Variants in DGKB observed in about 807,000 individuals in gnomAD.
The protein encoded by DGKB is diacylglycerol kinase beta, also known as 90 kDa diacylglycerol kinase.
A neutral mutation model predicts 114.3 loss-of-function variants in DGKB; 67 were observed. The ratio of observed to expected loss-of-function variants is 0.59; its 90% CI spans 0.48 to 0.72. The LOEUF is 0.72. DGKB is among the 30% of genes least tolerant of loss of function. The probability of loss-of-function intolerance (pLI) is 0.00; values close to 1 mark genes in which losing one functional copy is unlikely to be tolerated. For synonymous variants in DGKB, 398 were observed against 323.1 expected (o/e 1.23, Z -2.49); for missense variants, 907 against 975.2 (o/e 0.93, Z 0.93).
intron 6 of DGKB, among the ~76,000 whole-genome samples, chr7:14,707,343 A>T (rs1826470681): frequency 6.6e-6 from 1 of 150,400 alleles, no homozygotes; most frequent in African/African-American, 2.5e-5. Flanking sequence ...CCAACCAAAA[A>T]GAGTCCAGGG....
intron 20 of DGKB, among the ~76,000 whole-genome samples, chr7:14,556,272 A>C (rs897292982): frequency 3.9e-5 from 6 of 152,120 alleles, no homozygotes; most frequent in African/African-American, 1.4e-4. Context: ...AATTTTATTC[A>C]TATTAACATA....
At chr7:14,230,256 T>C (rs972688489) in intron 23 of DGKB, among the ~76,000 whole-genome samples, 4 of 152,068 alleles carry the variant, frequency 2.6e-5, no homozygotes, top group Non-Finnish European at 5.9e-5. Flanking sequence ...TTATTCCATA[T>C]GATTTCTCTT....
intron 2 of DGKB, among the ~76,000 whole-genome samples, chr7:14,760,491 C>T (rs1835527554): frequency 6.6e-6 from 1 of 151,810 alleles, no homozygotes; most frequent in Non-Finnish European, 1.5e-5. Flanking sequence ...TGAAGCTGAC[C>T]CCTTATTCTC....
At chr7:14,462,884 C>T (rs971369030) in intron 21 of DGKB, among the ~76,000 whole-genome samples, 1 of 151,948 alleles carries the variant, frequency 6.6e-6, no homozygotes, top group South Asian at 2.1e-4. Flanking sequence ...GTACTGGTAC[C>T]AAAACAGATA....
chr7:14,805,586 T>C (rs1369374409), intron 2 of DGKB, among the ~76,000 whole-genome samples: 1 of 152,052 alleles, frequency 6.6e-6, no homozygotes, highest in Non-Finnish European at 1.5e-5. Flanking sequence ...AAGTCCAACA[T>C]GTGTGCGTAT....
intron 23 of DGKB, among the ~76,000 whole-genome samples, chr7:14,283,107 GA>G (rs1465260990): frequency 6.6e-6 from 1 of 151,640 alleles, no homozygotes; most frequent in South Asian, 2.1e-4. Flanking sequence ...TATATATCTA[GA>G]AAAACCCACT....
chr7:14,620,244 C>A (rs542041569), intron 15 of DGKB, among the ~76,000 whole-genome samples: 1 of 150,814 alleles, frequency 6.6e-6, no homozygotes, highest in East Asian at 1.9e-4. Flanking sequence ...ATTCAGAATT[C>A]CCTCCTTTTA....
At chr7:14,729,258 G>A (rs1395054926) in intron 5 of DGKB, among the ~76,000 whole-genome samples, 1 of 149,564 alleles carries the variant, frequency 6.7e-6, no homozygotes, top group Admixed American at 6.7e-5. Flanking sequence ...GAGTAGCTGG[G>A]ACTACAGGCG....
intron 23 of DGKB, among the ~76,000 whole-genome samples, chr7:14,319,052 C>T (rs958890319): frequency 6.6e-6 from 1 of 150,598 alleles, no homozygotes; most frequent in Non-Finnish European, 1.5e-5. Context: ...AAACCAAACA[C>T]TGCATATGCT....
chr7:14,824,109 C>G (rs1223851246), intron 2 of DGKB, among the ~76,000 whole-genome samples: 3 of 151,972 alleles, frequency 2.0e-5, no homozygotes, highest in Admixed American at 2.0e-4. Flanking sequence ...GACTTATTCA[C>G]TATTATGGGA....
intron 6 of DGKB, among the ~76,000 whole-genome samples, chr7:14,717,633 C>T (rs1438757110): frequency 2.6e-5 from 4 of 151,750 alleles, no homozygotes; most frequent in Non-Finnish European, 4.4e-5. Flanking sequence ...ACTAAAAATG[C>T]CCCCCAATAA....
intron 20 of DGKB, among the ~76,000 whole-genome samples, chr7:14,541,491 T>C (rs1192740875): frequency 6.6e-6 from 1 of 152,178 alleles, no homozygotes; most frequent in African/African-American, 2.4e-5. Flanking sequence ...ATCACTGAAA[T>C]GCCACCACAA....
intron 1 of DGKB, among the ~76,000 whole-genome samples, chr7:14,893,256 C>T (rs532112298): frequency 1.3e-5 from 2 of 151,334 alleles, no homozygotes; most frequent in East Asian, 3.9e-4. Flanking sequence ...AGTGATCTTC[C>T]AGTGTTCAAA....
At chr7:14,731,245 T>G (rs1028008375) in intron 5 of DGKB, among the ~76,000 whole-genome samples, 2 of 152,152 alleles carry the variant, frequency 1.3e-5, no homozygotes, top group South Asian at 4.1e-4. Flanking sequence ...ACACAGTTAG[T>G]TTGGTATCTA....
At chr7:14,343,771 T>A (rs1991732) in intron 22 of DGKB, among the ~76,000 whole-genome samples, 23,856 of 150,552 alleles carry the variant, frequency 0.16, 2,130 homozygotes, top group Non-Finnish European at 0.21. Context: ...GCAGTTTTTT[T>A]AAAAAAATAA....
chr7:14,250,729 T>C (rs1319544871), intron 23 of DGKB, among the ~76,000 whole-genome samples: 1 of 152,212 alleles, frequency 6.6e-6, no homozygotes, highest in African/African-American at 2.4e-5. Flanking sequence ...TAATGGGGTA[T>C]TGAAGTCCCC....
chr7:14,589,176 TTATTAA>T lies in DGKB; in HGVS notation c.1434-6045_1434-6040del, dbSNP rs548924375. ...TATTTTAAACATTTAAAAATTATGTTTATTAATATTAATATTTTTGTTGCTGGCATA... is the reference window on the plus strand; with the variant it reads ...TATTTTAAACATTTAAAAATTATGTTTATTAATATTTTTGTTGCTGGCATA... On this transcript the variant is annotated intron_variant, in intron 17 of 25. Coordinates refer to ENST00000402815, the MANE Select transcript of DGKB (RefSeq NM_001350709.2). Among the ~76,000 whole-genome samples, 267 of 152,134 alleles carry T rather than the reference TTATTAA, an allele frequency of 1.8e-3. 2 individuals are homozygous for T. Among genetic ancestry groups the T allele is most frequent in the Admixed American group, 4.1e-3 (63 of 15,256 alleles).
At chr7:14,469,654 G>A (rs1780980931) in intron 21 of DGKB, among the ~76,000 whole-genome samples, 2 of 151,890 alleles carry the variant, frequency 1.3e-5, no homozygotes, top group South Asian at 4.1e-4. Context: ...CCCTGCATGA[G>A]AACACACACA....
At chr7:14,667,581 A>T (rs973481205) in intron 13 of DGKB, among the ~76,000 whole-genome samples, 1 of 152,054 alleles carries the variant, frequency 6.6e-6, no homozygotes, top group Non-Finnish European at 1.5e-5. Context: ...GTACTAAATA[A>T]TAAAAACCAA....
Sources: allele counts gnomAD v4.1 joint callset (sites outside exome capture counted in the v4.1 genomes callset), GRCh38; gene constraint gnomAD v4.1.1; transcripts MANE v1.5; gene names NCBI Gene and HGNC (gene_info 2026-07-23, HGNC 2026-07-21).